The following SH2B2 variants were observed in gnomAD, a reference collection of about 807,000 sequenced individuals.
SH2B2 encodes the protein SH2B adaptor protein 2.
A neutral mutation model predicts 35.7 loss-of-function variants in SH2B2; 37 were observed. That is an observed-to-expected ratio of 1.04 (90% CI 0.80 to 1.36). The LOEUF (loss-of-function observed/expected upper bound fraction) is 1.36. Ranked by LOEUF, SH2B2 falls within the 40% of genes most tolerant of loss-of-function variation. The probability of loss-of-function intolerance (pLI) is 0.00; values close to 1 mark genes in which losing one functional copy is unlikely to be tolerated. For missense variants in SH2B2, 852 were observed against 817.7 expected (o/e 1.04, Z -0.51); for synonymous variants, 383 against 376.4 (o/e 1.02, Z -0.20).
At position 102,313,092 on chromosome 7, in the gene SH2B2, T is replaced by C. The variant is rs1247386942; in HGVS notation, c.924-1244T>C. ...GTTGCAGTGAGCCAGGATTGCGTCA[T>C]TGCACTCCAGCCTGGGCAACAAGAG... On this transcript the variant is annotated intron_variant, in intron 4 of 8. Coordinates refer to ENST00000444095, the MANE Select transcript of SH2B2 (RefSeq NM_001359228.2). Among the ~76,000 whole-genome samples, 13 of 142,978 alleles carry C rather than the reference T, an allele frequency of 9.1e-5. No individual in the cohort carries two copies. In the Admixed American group the frequency reaches 9.4e-4, roughly 10 times the overall value. 93.8% of individuals were successfully genotyped at this position (142,978 alleles called of 152,430 possible).
chr7:102,292,748 G>T (rs1317659545), intron 1 of SH2B2, among the ~76,000 whole-genome samples: 1 of 152,130 alleles, frequency 6.6e-6, no homozygotes, highest in Non-Finnish European at 1.5e-5. Context: ...GGTTCATTGG[G>T]GGGTAGGTGG....
At chr7:102,309,781 TAAAG>T (rs1793547372) in intron 4 of SH2B2, among the ~76,000 whole-genome samples, 1 of 151,940 alleles carries the variant, frequency 6.6e-6, no homozygotes, top group African/African-American at 2.4e-5. Context: ...AAGGCTTAAA[TAAAG>T]AGTGGACCAA....
chr7:102,298,948 T>G (rs1319805408), intron 1 of SH2B2, among the ~76,000 whole-genome samples: 1 of 136,524 alleles, frequency 7.3e-6, no homozygotes, highest in Non-Finnish European at 1.5e-5. Flanking sequence ...TGAGATGGAG[T>G]CTCGCTCTGT....
intron 1 of SH2B2, among the ~76,000 whole-genome samples, chr7:102,298,204 C>T (rs185210819): frequency 1.3e-3 from 193 of 152,294 alleles, no homozygotes; most frequent in Non-Finnish European, 2.6e-3. Context: ...ATACGAACCA[C>T]TGCAGGATTT....
At chr7:102,318,125 C>A (rs369527985) in intron 7 of SH2B2, among the ~76,000 whole-genome samples, 22 of 152,036 alleles carry the variant, frequency 1.4e-4, no homozygotes, top group African/African-American at 3.4e-4. Flanking sequence ...CTATATTGAC[C>A]TGAAATGCTT....
intron 2 of SH2B2, among the ~76,000 whole-genome samples, chr7:102,304,998 G>A (rs924315683): frequency 2.0e-5 from 3 of 152,234 alleles, no homozygotes; most frequent in South Asian, 2.1e-4. Context: ...TCAGGCTCAC[G>A]GCAGGGAGCT....
chr7:102,309,355 C>CTTTTTT (rs35826295), intron 4 of SH2B2: 16 of 184,152 alleles, frequency 8.7e-5, no homozygotes, highest in South Asian at 2.2e-4. Context: ...CTCTCTCTCT[C>CTTTTTT]TTTTTTTTTT....
chr7:102,307,443 C>T (rs1426831501), intron 3 of SH2B2, among the ~76,000 whole-genome samples: 2 of 152,172 alleles, frequency 1.3e-5, no homozygotes, highest in African/African-American at 2.4e-5. Context: ...CCCACCCACT[C>T]ATCCTGCATG....
chr7:102,318,673 G>A (rs1210143003), intron 7 of SH2B2, among the ~76,000 whole-genome samples: 1 of 152,048 alleles, frequency 6.6e-6, no homozygotes, highest in Non-Finnish European at 1.5e-5. Flanking sequence ...GTGTCTCTCT[G>A]CAGGGACCCC....
intron 1 of SH2B2, among the ~76,000 whole-genome samples, chr7:102,287,308 C>A (rs2132879969): frequency 1.3e-5 from 2 of 152,116 alleles, no homozygotes; most frequent in East Asian, 3.9e-4. Context: ...GCTCCCCGAT[C>A]CCCATCCCGG....
intron 1 of SH2B2, among the ~76,000 whole-genome samples, chr7:102,298,721 C>G (rs1793017225): frequency 6.6e-6 from 1 of 152,054 alleles, no homozygotes; most frequent in East Asian, 1.9e-4. Flanking sequence ...TGTGTGCCAC[C>G]TTGCCCAGCT....
intron 1 of SH2B2, among the ~76,000 whole-genome samples, chr7:102,294,470 G>A (rs1792824065): frequency 6.6e-6 from 1 of 152,224 alleles, no homozygotes; most frequent in African/African-American, 2.4e-5. Flanking sequence ...CTGCACATGG[G>A]TTATAACATT....
In SH2B2 at chr7:102,320,449, G is replaced by A. The variant is rs565977635; in HGVS notation, c.1514G>A (p.Gly505Asp). ...CACCCCATCCCACTGGAGTCAGGGG[G>A]CTCGGCCGACATCACCCTTCGCAGC... Reference protein sequence around the residue: ...HTHPIPLESGGSADITLRSYV... With the variant: ...HTHPIPLESGDSADITLRSYV... The change falls in exon 8 of 9, where the codon GGC (glycine) becomes GAC (aspartate). Residue 505 changes from glycine (G) to aspartate (D), a missense_variant. Physicochemically the swap from Gly to Asp is moderately conservative, Grantham distance 94 (BLOSUM62 -1). Around this residue, in one of 3 missense-constraint regions of SH2B2, gnomAD observed 556 missense variants for 514.5 expected, o/e 1.08. Coordinates refer to ENST00000444095, the MANE Select transcript of SH2B2 (RefSeq NM_001359228.2). 1.9e-6 allele frequency: 3 copies of A among 1,613,722 alleles called. No individual in the cohort carries two copies. The highest frequency in any genetic ancestry group is 1.3e-5 in the African/African-American group (1 of 75,026).
intron 4 of SH2B2, among the ~76,000 whole-genome samples, chr7:102,313,183 A>T (rs1359468107): frequency 6.7e-6 from 1 of 149,394 alleles, no homozygotes; most frequent in Non-Finnish European, 1.5e-5. Flanking sequence ...GCAGTGGCTC[A>T]CGCCTGTAAT....
Position 102,308,891 on chromosome 7 carries a change from G to A in SH2B2, c.908G>A (p.Gly303Asp). 6.2e-7 allele frequency: 1 copy of A among 1,613,580 alleles called. No individual in the cohort carries two copies. The highest frequency in any genetic ancestry group is 8.5e-7 in the Non-Finnish European group (1 of 1,179,788). ...CACTCGTGGGTAGCTGACATCCAGG[G>A]CTGCGTGGACCCCGGGTGAGTGTCC... ...QKHSWVADIQ[G>D]CVDPGDSEED... The change falls in exon 4 of 9, where the codon GGC becomes GAC. Residue 303 changes from glycine to aspartate, a missense_variant. By Grantham distance (94) the Gly-to-Asp change is moderately conservative. Around this residue, in one of 3 missense-constraint regions of SH2B2, gnomAD observed 556 missense variants for 514.5 expected, o/e 1.08. Transcript: ENST00000444095.
chr7:102,299,404 G>A (rs1554553123), intron 1 of SH2B2, among the ~76,000 whole-genome samples: 5 of 143,732 alleles, frequency 3.5e-5, no homozygotes, highest in East Asian at 2.1e-4. Flanking sequence ...TCATCATGTT[G>A]GCTAGGATGG....
rs1554553795 is a variant in SH2B2, at chr7:102,301,203, G to GGCAGAAGTGCCGC, written c.654_666dup (p.Leu223AlafsTer40). 1 of 1,593,162 alleles carries GGCAGAAGTGCCGC rather than the reference G, an allele frequency of 6.3e-7. No individual in the cohort carries two copies. Among genetic ancestry groups the GGCAGAAGTGCCGC allele is most frequent in the Non-Finnish European group, 8.5e-7 (1 of 1,171,496 alleles). On this transcript the variant is annotated frameshift_variant, in exon 2 of 9. Coordinates refer to ENST00000444095, the MANE Select transcript of SH2B2 (RefSeq NM_001359228.2). LOFTEE classifies it high-confidence loss of function. ...GCGGGCTCCGGGGGCTCGGCTCAGT[G>GGCAGAAGTGCCGC]GCAGAAGTGCCGCCTGCTCCTGCGC...
intron 2 of SH2B2, among the ~76,000 whole-genome samples, chr7:102,301,589 CGTGT>C (rs1159497415): frequency 1.8e-4 from 27 of 150,054 alleles, no homozygotes; most frequent in South Asian, 1.7e-3. Context: ...TGTGCGCGCG[CGTGT>C]GTGTGTGTCC....
At chr7:102,290,820 TTA>T (rs1431958479) in intron 1 of SH2B2, among the ~76,000 whole-genome samples, 1 of 152,198 alleles carries the variant, frequency 6.6e-6, no homozygotes, top group Non-Finnish European at 1.5e-5. Flanking sequence ...GAGGCTGGGT[TTA>T]TGTGTTGGGG....
Sources: gnomAD v4.1 joint callset for allele counts (sites outside exome capture counted in the v4.1 genomes callset) on GRCh38, gnomAD v4.1.1 for gene constraint, gnomAD v4.1.1 regional missense constraint, MANE v1.5 for transcripts, NCBI Gene and HGNC (gene_info 2026-07-23, HGNC 2026-07-21) for gene names.